The following KIAA0586 variants were observed in gnomAD, a reference collection of about 807,000 sequenced individuals.
KIAA0586 encodes the protein protein TALPID3.
A neutral mutation model predicts 169.8 loss-of-function variants in KIAA0586; 144 were observed. That is an observed-to-expected ratio of 0.85 (90% CI 0.74 to 0.97). The LOEUF (loss-of-function observed/expected upper bound fraction) is 0.97, where lower values mean the gene tolerates loss of function less well. Ranked by LOEUF, KIAA0586 falls within the 50% of genes least tolerant of loss-of-function variation. The pLI, the probability that KIAA0586 is intolerant of heterozygous loss-of-function variation, is 0.00. For synonymous variants in KIAA0586, 625 were observed against 612.4 expected (o/e 1.02, Z -0.30); for missense variants, 1,854 against 1,823.0 (o/e 1.02, Z -0.31).
chr14:58,484,836 A>G (rs1467915851), intron 21 of KIAA0586, among the ~76,000 whole-genome samples: 3 of 138,232 alleles, frequency 2.2e-5, no homozygotes, highest in African/African-American at 5.3e-5. Context: ...ATCACCTTAT[A>G]TAAAGACTTT....
chr14:58,455,518 G>A (rs1040684329), intron 9 of KIAA0586, among the ~76,000 whole-genome samples: 1 of 152,154 alleles, frequency 6.6e-6, no homozygotes, highest in Non-Finnish European at 1.5e-5. Context: ...TGTTTGTTTA[G>A]TGACTTTCCT....
chr14:58,503,845 A>T (rs532915147), intron 27 of KIAA0586, among the ~76,000 whole-genome samples: 2 of 152,086 alleles, frequency 1.3e-5, no homozygotes, highest in Non-Finnish European at 2.9e-5. Flanking sequence ...AATCGTGGAA[A>T]TGCAGTGTTT....
chr14:58,501,914 C>T (rs2043597953), intron 27 of KIAA0586, among the ~76,000 whole-genome samples: 1 of 152,148 alleles, frequency 6.6e-6, no homozygotes, highest in Admixed American at 6.5e-5. Context: ...GGGTGGTTTT[C>T]AGGATCTCTC....
chr14:58,521,251 ATCC>A, intron 29 of KIAA0586: 2 of 1,126,120 alleles, frequency 1.8e-6, no homozygotes, highest in Non-Finnish European at 2.6e-6. Flanking sequence ...GACAAGACGG[ATCC>A]TCACTCCATG....
intron 18 of KIAA0586, 144 bp downstream of exon 18, chr14:58,472,423 A>G: frequency 2.3e-6 from 1 of 436,344 alleles, no homozygotes; most frequent in Non-Finnish European, 4.1e-6. Flanking sequence ...TTTAAAAATT[A>G]TAAAGTTGTT....
In KIAA0586 at chr14:58,461,076, C is replaced by T. The variant is rs2040282703; in HGVS notation, c.1975C>T (p.Leu659Phe). ...AGTTTATCAGGGCCATCGAAGCACT[C>T]TTAAAAAAGGACCATATCTCAGATT... is the stretch of plus-strand genomic sequence containing the variant. ...KPVYQGHRST[L>F]KKGPYLRFNS... Residue 659 changes from leucine to phenylalanine, a missense_variant, in exon 14 of 31, where the codon CTT (leucine) becomes TTT (phenylalanine). By Grantham distance (22) the Leu-to-Phe change is conservative. Transcript: ENST00000652326. 2 of 1,611,842 alleles carry T rather than the reference C, an allele frequency of 1.2e-6. No individual in the cohort carries two copies. Among genetic ancestry groups the T allele is most frequent in the East Asian group, 2.2e-5 (1 of 44,740 alleles).
At chr14:58,487,865 C>A in intron 22 of KIAA0586, 22 bp from the exon 23 acceptor site, 1 of 1,401,956 alleles carries the variant, frequency 7.1e-7, no homozygotes, top group South Asian at 1.2e-5. Flanking sequence ...CTTTTTCTGT[C>A]CTTTTAAAAA....
At position 58,548,735 on chromosome 14, in the gene KIAA0586, C is replaced by T. The variant is rs1254397672; in HGVS notation, c.*803C>T. ...ATATGCCTTATGTATACCATATAAA[C>T]CTTTATAAACCTGTGAAACATGTAA... On this transcript the variant is annotated 3_prime_UTR_variant, in exon 31 of 31. Coordinates refer to ENST00000652326, the MANE Select transcript of KIAA0586 (RefSeq NM_001329943.3). The T allele has an allele frequency of 6.6e-6, 1 of 152,038 alleles. No individual in the cohort carries two copies. The highest frequency in any genetic ancestry group is 6.6e-5 in the Admixed American group (1 of 15,262). The allele number at this position is 152,038 out of a possible 1,614,324, so 9.4% of individuals were successfully genotyped here. A position where few individuals can be genotyped will look rare whatever the true frequency, so the allele number is the denominator to read the frequency against.
chr14:58,431,895 C>T (rs2037404258), intron 3 of KIAA0586, among the ~76,000 whole-genome samples: 2 of 152,172 alleles, frequency 1.3e-5, no homozygotes, highest in South Asian at 2.1e-4. Context: ...TGTATAGAAA[C>T]GCTACTGATT....
chr14:58,507,372 G>T (rs2044069378), intron 27 of KIAA0586, among the ~76,000 whole-genome samples: 1 of 144,500 alleles, frequency 6.9e-6, no homozygotes. Flanking sequence ...TCATATATAT[G>T]AATTATATAT....
At chr14:58,427,599 G>A (rs1052727613), upstream of KIAA0586, 22 of 1,535,542 alleles carry the variant, frequency 1.4e-5, no homozygotes, top group Non-Finnish European at 1.8e-5. Flanking sequence ...GAATGGAAGA[G>A]CACCAGAGAG....
intron 29 of KIAA0586, among the ~76,000 whole-genome samples, chr14:58,529,960 A>G (rs1181758147): frequency 6.6e-6 from 1 of 152,236 alleles, no homozygotes; most frequent in Non-Finnish European, 1.5e-5. Flanking sequence ...AGAAAACTCC[A>G]TCATCTCAGC....
At chr14:58,471,424 A>G (rs1032548413) in intron 17 of KIAA0586, among the ~76,000 whole-genome samples, 6 of 152,186 alleles carry the variant, frequency 3.9e-5, no homozygotes, top group African/African-American at 1.4e-4. Flanking sequence ...AAAAATATGC[A>G]TTTCTTCCTG....
intron 3 of KIAA0586, among the ~76,000 whole-genome samples, chr14:58,431,779 T>G (rs2037394451): frequency 6.6e-6 from 1 of 152,222 alleles, no homozygotes; most frequent in Non-Finnish European, 1.5e-5. Context: ...TGTAGAGATC[T>G]TTCACCTTCT....
At chr14:58,495,685 T>C (rs2043118502) in intron 26 of KIAA0586, among the ~76,000 whole-genome samples, 1 of 152,156 alleles carries the variant, frequency 6.6e-6, no homozygotes, top group African/African-American at 2.4e-5. Context: ...AAATTTAACA[T>C]AAATCCTGAA....
rs554066434 is a variant in KIAA0586, at chr14:58,518,430, TA to T, written c.4429+5805del. ...TTTATGTTTTATAATTAATAGTGAC[TA>T]ACTGGAAACAAAGAAAAATTGTATG... is the stretch of plus-strand genomic sequence containing the variant. On this transcript the variant is annotated intron_variant, in intron 29 of 30. Transcript: ENST00000652326. Among the ~76,000 whole-genome samples, 194 of 152,330 alleles carry T rather than the reference TA, an allele frequency of 1.3e-3. 1 individual carries two copies. Among genetic ancestry groups the T allele is most frequent in the African/African-American group, 3.5e-3 (147 of 41,586 alleles).
chr14:58,493,813 T>G (rs1748999), intron 26 of KIAA0586, among the ~76,000 whole-genome samples: 149,940 of 152,118 alleles, frequency 0.99, 73,930 homozygotes, highest in East Asian at 1. Flanking sequence ...ATCGAAACCA[T>G]TAAGCTGAGA....
chr14:58,458,603 C>A, intron 12 of KIAA0586, 58 bp downstream of exon 12: 1 of 881,840 alleles, frequency 1.1e-6, no homozygotes, highest in Non-Finnish European at 1.7e-6. Flanking sequence ...ATATTGATTC[C>A]AATTTACAGG....
chr14:58,458,065 T>C, intron 11 of KIAA0586, 86 bp downstream of exon 11: 2 of 846,746 alleles, frequency 2.4e-6, no homozygotes, highest in Non-Finnish European at 3.6e-6. Flanking sequence ...TGTATTTTCC[T>C]ATTAGTTTTC....
Sources: allele counts gnomAD v4.1 joint callset (sites outside exome capture counted in the v4.1 genomes callset), GRCh38; gene constraint gnomAD v4.1.1; transcripts MANE v1.5; gene names NCBI Gene and HGNC (gene_info 2026-07-23, HGNC 2026-07-21).